Variants in BCAR3 observed in about 807,000 individuals in gnomAD.
The protein encoded by BCAR3 is breast cancer anti-estrogen resistance protein 3.
BCAR3 carries 37 observed loss-of-function variants against 80.1 expected under a neutral mutation model. That is an observed-to-expected ratio of 0.46 (90% confidence interval 0.36 to 0.61). BCAR3 has a LOEUF of 0.61. Ranked by LOEUF, BCAR3 falls within the 20% of genes least tolerant of loss-of-function variation. The pLI is 0.00. For missense variants in BCAR3, 978 were observed against 1,068.2 expected, an observed-to-expected ratio of 0.92 and a Z score of 1.18; for synonymous variants, 389 against 418.9, an observed-to-expected ratio of 0.93 and a Z score of 0.87.
At chr1:93,699,155 G>A (rs887682337) in intron 3 of BCAR3, among the ~76,000 whole-genome samples, 1 of 152,204 alleles carries the variant, frequency 6.6e-6, no homozygotes, top group Admixed American at 6.5e-5. Flanking sequence ...CTGAACCTCA[G>A]AGAGAAGAGA....
chr1:93,717,677 G>A (rs901048514), intron 2 of BCAR3, among the ~76,000 whole-genome samples: 6 of 147,884 alleles, frequency 4.1e-5, no homozygotes, highest in African/African-American at 7.6e-5. Flanking sequence ...GCAGTGAGCC[G>A]AGATCGTGCC....
intron 2 of BCAR3, among the ~76,000 whole-genome samples, chr1:93,657,851 C>CA (rs1647462177): frequency 6.6e-6 from 1 of 151,896 alleles, no homozygotes; most frequent in Non-Finnish European, 1.5e-5. Context: ...GGGTATCTGC[C>CA]AAAAACCTCA....
At chr1:93,845,502 A>ATATATATATATATATATATGTTGTCAAG in intron 2 of BCAR3, 14 of 113,816 alleles carry the variant, frequency 1.2e-4, no homozygotes, top group Non-Finnish European at 1.8e-4. Context: ...ATATATATAT[A>ATATATATATATATATATATGTTGTCAAG]AAACTTTGTT....
chr1:93,807,915 G>C (rs1653708604), intron 2 of BCAR3, among the ~76,000 whole-genome samples: 1 of 151,906 alleles, frequency 6.6e-6, no homozygotes, highest in Non-Finnish European at 1.5e-5. Context: ...CAGACCTGTA[G>C]TCCCAGCTAC....
chr1:93,731,564 C>T (rs1650788904), intron 2 of BCAR3, among the ~76,000 whole-genome samples: 1 of 151,748 alleles, frequency 6.6e-6, no homozygotes, highest in Non-Finnish European at 1.5e-5. Flanking sequence ...GCCAGGGGCT[C>T]AGCTATGAAA....
At chr1:93,765,362 G>A (rs529976743) in intron 2 of BCAR3, among the ~76,000 whole-genome samples, 2 of 152,252 alleles carry the variant, frequency 1.3e-5, no homozygotes, top group South Asian at 4.2e-4. Flanking sequence ...ACTACCTACT[G>A]AGACTACAGC....
chr1:93,570,505 C>G (rs1673168246), intron 9 of BCAR3, among the ~76,000 whole-genome samples: 1 of 152,226 alleles, frequency 6.6e-6, no homozygotes, highest in Non-Finnish European at 1.5e-5. Flanking sequence ...GCCTGCTTGA[C>G]TTCAGATACA....
chr1:93,740,240 T>A (rs1391887176), intron 2 of BCAR3, among the ~76,000 whole-genome samples: 2 of 152,132 alleles, frequency 1.3e-5, no homozygotes. Flanking sequence ...GTGTGTGGCA[T>A]CCAGGCCTAG....
chr1:93,567,924 C>T (rs1309794251), intron 9 of BCAR3, 73 bp from the exon 10 acceptor site: 50 of 1,269,906 alleles, frequency 3.9e-5, no homozygotes, highest in African/African-American at 3.4e-4. Flanking sequence ...TGGTAGCTCA[C>T]GCCTGTAATG....
intron 2 of BCAR3, among the ~76,000 whole-genome samples, chr1:93,772,468 G>A (rs6661991): frequency 0.3 from 45,079 of 151,792 alleles, 9,219 homozygotes; most frequent in African/African-American, 0.58. Context: ...AGGAATAGCA[G>A]GGTTAGCTCT....
chr1:93,664,778 T>C (rs1647821756), intron 2 of BCAR3, among the ~76,000 whole-genome samples: 1 of 152,202 alleles, frequency 6.6e-6, no homozygotes, highest in South Asian at 2.1e-4. Flanking sequence ...AAGGCCAGTA[T>C]GTCTCTTGGC....
rs1673223098 is a variant in BCAR3 at position 93,571,660 on chromosome 1, G to A, written c.1974+10C>T. 5 of 1,613,804 alleles carry A rather than the reference G, an allele frequency of 3.1e-6. No individual in the cohort carries two copies. The African/African-American group carries it at 5.3e-5, about 17-fold the overall frequency. The stretch of plus-strand genomic sequence containing the variant: ...AACATTAAGTACACATAAAGTAATT[G>A]GAAATTTACCTGTGGCATTTCCAGG... On this transcript the variant is annotated intron_variant, in intron 9 of 11. Coordinates refer to ENST00000260502, the MANE Select transcript of BCAR3 (RefSeq NM_003567.4).
intron 2 of BCAR3, among the ~76,000 whole-genome samples, chr1:93,786,219 A>AAAAAAAAAAAAAAT (rs1557688155): frequency 3.4e-5 from 5 of 148,774 alleles, no homozygotes; most frequent in African/African-American, 1.0e-4. Context: ...AAAAAAAAAA[A>AAAAAAAAAAAAAAT]GTGCCATGCA....
rs551693123 is a variant in BCAR3, at chr1:93,786,712, AG to A, written c.-63+58854del. Among the ~76,000 whole-genome samples the A allele has an allele frequency of 7.4e-3, 1,125 of 152,290 alleles. 10 individuals are homozygous for A. Among genetic ancestry groups the A allele is most frequent in the Non-Finnish European group, 0.011 (741 of 68,018 alleles). On this transcript the variant is annotated intron_variant, in intron 2 of 13. Transcript: ENST00000370244. ...CCAAAATTTTTAAGTTAAAAGGAAA[AG>A]GTGTTTTCCTTCCAGGTTTCCAAGG...
chr1:93,570,391 G>A (rs1244953711), intron 9 of BCAR3, among the ~76,000 whole-genome samples: 1 of 152,194 alleles, frequency 6.6e-6, no homozygotes, highest in Non-Finnish European at 1.5e-5. Flanking sequence ...TGGCTGGACT[G>A]TAAACTCATA....
chr1:93,683,935 T>A (rs1241758079), upstream of BCAR3, among the ~76,000 whole-genome samples: 1 of 150,876 alleles, frequency 6.6e-6, no homozygotes, highest in African/African-American at 2.4e-5. Context: ...TCCAAAGAAA[T>A]TTTTTTTAAT....
At chr1:93,567,938 G>C in intron 9 of BCAR3, 87 bp from the exon 10 acceptor site, 1 of 1,104,206 alleles carries the variant, frequency 9.1e-7, no homozygotes, top group Non-Finnish European at 1.4e-6. Flanking sequence ...TGTAATGCCA[G>C]CACTTTGGGA....
intron 2 of BCAR3, among the ~76,000 whole-genome samples, chr1:93,716,854 A>G (rs1650207617): frequency 6.6e-6 from 1 of 152,222 alleles, no homozygotes; most frequent in African/African-American, 2.4e-5. Flanking sequence ...TTTATGCAGG[A>G]GATGGACATG....
At chr1:93,598,277 C>G (rs1273405759) in intron 3 of BCAR3, among the ~76,000 whole-genome samples, 1 of 152,166 alleles carries the variant, frequency 6.6e-6, no homozygotes, top group African/African-American at 2.4e-5. Context: ...CTTGGGCGAT[C>G]TGTCAGAAAC....
Sources: allele counts gnomAD v4.1 joint callset (sites outside exome capture counted in the v4.1 genomes callset), GRCh38; gene constraint gnomAD v4.1.1; transcripts MANE v1.5; gene names NCBI Gene and HGNC (gene_info 2026-07-23, HGNC 2026-07-21).